The following WDR20 variants were observed in gnomAD, a reference collection of about 807,000 sequenced individuals.
WDR20 encodes the protein WD repeat-containing protein 20.
Under a neutral mutation model 38.7 loss-of-function variants are expected in WDR20, and 3 were observed. The observed-to-expected ratio is 0.08, with a 90% CI of 0.04 to 0.20. The LOEUF is 0.20. Among genes scored for constraint, WDR20 ranks in the 10% least tolerant of loss-of-function variants. The probability of loss-of-function intolerance (pLI) is 1.00; values close to 1 mark genes in which losing one functional copy is unlikely to be tolerated. For synonymous variants in WDR20, 298 were observed against 285.6 expected (o/e 1.04, Z -0.44); for missense variants, 559 against 727.7 (o/e 0.77, Z 2.67).
At chr14:102,212,977 C>T (rs1354341129), downstream of WDR20, 6 of 1,003,942 alleles carry the variant, frequency 6.0e-6, no homozygotes, top group Non-Finnish European at 6.0e-6. Context: ...AAGGCTCAGA[C>T]GAAAGTCAGG....
intron 1 of WDR20, among the ~76,000 whole-genome samples, chr14:102,193,106 CTTA>C (rs1032703570): frequency 4.1e-5 from 6 of 146,942 alleles, no homozygotes; most frequent in African/African-American, 1.5e-4. Flanking sequence ...CCAGTTATAT[CTTA>C]TTTTATATTT....
Position 102,222,911 on chromosome 14 carries a change from C to G in WDR20, c.*28C>G, listed in dbSNP as rs1332456225. 1 of 1,613,636 alleles carries G rather than the reference C, an allele frequency of 6.2e-7. No individual in the cohort carries two copies. Among genetic ancestry groups the G allele is most frequent in the Non-Finnish European group, 8.5e-7 (1 of 1,179,676 alleles). On this transcript the variant is annotated 3_prime_UTR_variant, in exon 4 of 4. Coordinates refer to the WDR20 transcript ENST00000335263. The surrounding 1 kb of genome is among the most constrained non-coding windows in gnomAD (Gnocchi z 4.4). ...ACCTCACTGCTGCGCGCACAGTCTCCCGGGACTTGGACTCGAGGGAGTGAC... is the reference window on the plus strand; with the variant it reads ...ACCTCACTGCTGCGCGCACAGTCTCGCGGGACTTGGACTCGAGGGAGTGAC...
At chr14:102,170,822 T>C (rs1367269369) in intron 1 of WDR20, among the ~76,000 whole-genome samples, 3 of 152,068 alleles carry the variant, frequency 2.0e-5, no homozygotes, top group Non-Finnish European at 4.4e-5. Flanking sequence ...TAATCTGTGA[T>C]CTGAGGGACA....
chr14:102,146,552 T>G (rs1467841082), intron 1 of WDR20, among the ~76,000 whole-genome samples: 2 of 152,160 alleles, frequency 1.3e-5, no homozygotes, highest in African/African-American at 2.4e-5. Flanking sequence ...AGATCCTGAT[T>G]AAAGAAGAAG....
At chr14:102,143,219 A>G (rs949326644) in intron 1 of WDR20, among the ~76,000 whole-genome samples, 2 of 152,200 alleles carry the variant, frequency 1.3e-5, no homozygotes, top group Admixed American at 6.5e-5. Flanking sequence ...CACCTTTTTG[A>G]TCACAGGGAT....
At chr14:102,150,810 G>C (rs759870168) in intron 1 of WDR20, among the ~76,000 whole-genome samples, 1 of 152,126 alleles carries the variant, frequency 6.6e-6, no homozygotes, top group Non-Finnish European at 1.5e-5. Context: ...AACCAAGGAC[G>C]GACATGATAT....
downstream of WDR20, among the ~76,000 whole-genome samples, chr14:102,217,468 A>C (rs2063351463): frequency 6.6e-6 from 1 of 152,116 alleles, no homozygotes; most frequent in Non-Finnish European, 1.5e-5. Flanking sequence ...CATCTGGGCA[A>C]GTGTGGCCCC....
downstream of WDR20, chr14:102,213,525 C>A (rs2062818157): frequency 6.1e-6 from 6 of 985,418 alleles, no homozygotes; most frequent in Non-Finnish European, 7.2e-6. Context: ...TCATTCTTTT[C>A]TCAAAGGCGT....
rs967996962 is a variant in WDR20 at position 102,222,132 on chromosome 14, A to G, written c.1693-698A>G. Reference sequence around the variant, plus strand: ...AGCCTCTCAGCAGGAGCCGCCCTAAAGAGCCAGATGCCCCCCACCATTCTT... The same window carrying G: ...AGCCTCTCAGCAGGAGCCGCCCTAAGGAGCCAGATGCCCCCCACCATTCTT... On this transcript the variant is annotated intron_variant, in intron 3 of 3. Transcript: ENST00000335263. This position sits in a 1 kb window ranked among gnomAD's most constrained non-coding sequence, Gnocchi z 4.4. Among the ~76,000 whole-genome samples the G allele has an allele frequency of 6.6e-6, 1 of 151,154 alleles. No homozygotes were observed. Among genetic ancestry groups the G allele is most frequent in the Admixed American group, 6.6e-5 (1 of 15,184 alleles).
At position 102,208,304 on chromosome 14, in the gene WDR20, G is replaced by A. The variant is rs549434480; in HGVS notation, c.433-299G>A. On this transcript the variant is annotated intron_variant, in intron 2 of 2. Coordinates refer to ENST00000342702, the MANE Select transcript of WDR20 (RefSeq NM_144574.4). The surrounding 1 kb of genome is among the most constrained non-coding windows in gnomAD (Gnocchi z 5.6). ...AGATCCCAGCAGGGCTGTTCCCTCC[G>A]CAGTGAACCCTGTGCCTGGCATCGT... Among the ~76,000 whole-genome samples the A allele has an allele frequency of 4.5e-4, 68 of 152,320 alleles. No individual in the cohort carries two copies. Among genetic ancestry groups the A allele is most frequent in the African/African-American group, 7.5e-4 (31 of 41,558 alleles).
chr14:102,173,307 T>C (rs2061354402), intron 1 of WDR20, among the ~76,000 whole-genome samples: 1 of 151,184 alleles, frequency 6.6e-6, no homozygotes, highest in African/African-American at 2.4e-5. Context: ...AGAGATGAGG[T>C]CTCACCATGT....
downstream of WDR20, among the ~76,000 whole-genome samples, chr14:102,211,771 T>G (rs2062572191): frequency 6.6e-6 from 1 of 152,246 alleles, no homozygotes; most frequent in African/African-American, 2.4e-5. This position sits in a 1 kb window ranked among gnomAD's most constrained non-coding sequence, Gnocchi z 4.2. Context: ...TACATAGTTG[T>G]AAACGTTCAG....
At chr14:102,151,713 T>C (rs1240599969) in intron 1 of WDR20, among the ~76,000 whole-genome samples, 1 of 151,584 alleles carries the variant, frequency 6.6e-6, no homozygotes, top group Admixed American at 6.6e-5. Context: ...AGAAGAGATA[T>C]GACATGGGTA....
At position 102,161,142 on chromosome 14, in the gene WDR20, A is replaced by ATTTTTTTTTTTT. The variant is rs1233679287; in HGVS notation, c.249+20985_249+20996dup. ...ACTGCATATATATATATATATATAT[A>ATTTTTTTTTTTT]TTTTTTTTTTTTTTTTTTTTTTTTT... is the stretch of plus-strand genomic sequence containing the variant. On this transcript the variant is annotated intron_variant, in intron 1 of 2. Transcript: ENST00000342702. 1.2e-4 allele frequency among the ~76,000 whole-genome samples: 2 copies of ATTTTTTTTTTTT among 16,032 alleles called. 1 individual carries two copies. Among genetic ancestry groups the ATTTTTTTTTTTT allele is most frequent in the African/African-American group, 6.4e-4 (2 of 3,114 alleles). 10.5% of individuals were successfully genotyped at this position (16,032 alleles called of 152,430 possible). A position where few individuals can be genotyped will look rare whatever the true frequency, so the allele number is the denominator to read the frequency against.
At chr14:102,186,378 G>T (rs1263268448) in intron 1 of WDR20, among the ~76,000 whole-genome samples, 5 of 152,172 alleles carry the variant, frequency 3.3e-5, no homozygotes, top group African/African-American at 1.2e-4. Flanking sequence ...GGCAGTTGAA[G>T]GTGTTTGAAA....
chr14:102,200,461 TTTTTTTTGTGTGTGTGTGTG>T lies in WDR20; in HGVS notation c.432+5343_432+5362del, dbSNP rs1370637699. ...GGCGAGGAGTTTACTTTTTAAATTT[TTTTTTTTGTGTGTGTGTGTG>T]TGTGTGTGTGTGTGTGTGTGTGTGT... On this transcript the variant is annotated intron_variant, in intron 2 of 2. Transcript: ENST00000342702. Among the ~76,000 whole-genome samples the T allele has an allele frequency of 1.2e-3, 125 of 100,748 alleles. 1 individual carries two copies. The highest frequency in any genetic ancestry group is 5.4e-3 in the African/African-American group (114 of 21,296). The allele number at this position is 100,748 out of a possible 152,430, so 66.1% of individuals were successfully genotyped here.
At chr14:102,187,507 T>C (rs569952095) in intron 1 of WDR20, among the ~76,000 whole-genome samples, 1 of 150,466 alleles carries the variant, frequency 6.6e-6, no homozygotes, top group Non-Finnish European at 1.5e-5. Flanking sequence ...AAAGGCAAGG[T>C]GTCAGAAGCA....
At chr14:102,146,632 C>G (rs1343902860) in intron 1 of WDR20, among the ~76,000 whole-genome samples, 2 of 152,158 alleles carry the variant, frequency 1.3e-5, no homozygotes, top group Non-Finnish European at 2.9e-5. Flanking sequence ...TGTTCTGTCT[C>G]TTTGTCAAAA....
At chr14:102,145,889 AG>A (rs1415794500) in intron 1 of WDR20, among the ~76,000 whole-genome samples, 1 of 152,220 alleles carries the variant, frequency 6.6e-6, no homozygotes, top group African/African-American at 2.4e-5. Flanking sequence ...TGTACTGCCC[AG>A]AGAAGTTACT....
Sources: gnomAD v4.1 joint callset for allele counts (sites outside exome capture counted in the v4.1 genomes callset) on GRCh38, gnomAD v4.1.1 for gene constraint, Gnocchi (gnomAD v3.1) non-coding constraint, MANE v1.5 for transcripts, NCBI Gene and HGNC (gene_info 2026-07-23, HGNC 2026-07-21) for gene names.